RAB38: variants seen among roughly 807,000 people sequenced by gnomAD.
The protein encoded by RAB38 is ras-related protein Rab-38.
Under a neutral mutation model 18.4 loss-of-function variants are expected in RAB38, and 15 were observed. The observed-to-expected ratio is 0.82, with a 90% CI of 0.55 to 1.26. The LOEUF is 1.26. Among genes scored for constraint, RAB38 ranks in the 50% most tolerant of loss-of-function variants. The pLI is 0.00. For missense variants in RAB38, 294 were observed against 267.4 expected (o/e 1.10, Z -0.69); for synonymous variants, 101 against 104.4 (o/e 0.97, Z 0.20).
intron 2 of RAB38, among the ~76,000 whole-genome samples, chr11:88,140,697 G>T (rs2134811818): frequency 6.6e-6 from 1 of 152,276 alleles, no homozygotes; most frequent in African/African-American, 2.4e-5. Flanking sequence ...TGTGATGGGA[G>T]ACTTGATGCA....
At chr11:87,956,422 G>A in the RAB38 span, among the ~76,000 whole-genome samples, 687 of 152,134 alleles carry the variant, frequency 4.5e-3, 4 homozygotes, top group Non-Finnish European at 6.6e-3. Context: ...TTGGGTCCTC[G>A]CCTCTTCACT....
At chr11:87,824,971 CTT>C in the RAB38 span, among the ~76,000 whole-genome samples, 1 of 151,552 alleles carries the variant, frequency 6.6e-6, no homozygotes, top group Non-Finnish European at 1.5e-5. Flanking sequence ...ATGAAGAACA[CTT>C]TTGAAAGAGA....
the RAB38 span, among the ~76,000 whole-genome samples, chr11:87,870,391 T>A: frequency 9.2e-5 from 14 of 151,712 alleles, no homozygotes; most frequent in East Asian, 2.7e-3. Context: ...ATAGGTCTTA[T>A]GTTTGTGATG....
the RAB38 span, among the ~76,000 whole-genome samples, chr11:88,056,137 T>C: frequency 6.6e-6 from 1 of 152,170 alleles, no homozygotes; most frequent in Admixed American, 6.5e-5. Context: ...ATCTGATTAG[T>C]ATGGTAATGA....
the RAB38 span, among the ~76,000 whole-genome samples, chr11:87,971,953 A>G: frequency 5.9e-5 from 9 of 151,516 alleles, no homozygotes; most frequent in Admixed American, 5.9e-4. Flanking sequence ...TTTAAAAAGG[A>G]GGCAACAATC....
the RAB38 span, among the ~76,000 whole-genome samples, chr11:87,958,742 A>C: frequency 6.6e-6 from 1 of 152,200 alleles, no homozygotes; most frequent in East Asian, 1.9e-4. Flanking sequence ...TCCAATAATA[A>C]GCACTATTCT....
chr11:87,977,396 T>G, the RAB38 span, among the ~76,000 whole-genome samples: 7 of 43,514 alleles, frequency 1.6e-4, 1 homozygote, highest in South Asian at 4.7e-3. Context: ...TAATTATATA[T>G]ATAATTATAT....
At chr11:88,100,995 A>C in the RAB38 span, among the ~76,000 whole-genome samples, 1 of 151,984 alleles carries the variant, frequency 6.6e-6, no homozygotes, top group East Asian at 1.9e-4. Flanking sequence ...CTAAAATATA[A>C]GTTTAATCTG....
the RAB38 span, among the ~76,000 whole-genome samples, chr11:87,976,794 A>G: frequency 6.9e-4 from 56 of 81,310 alleles, 2 homozygotes; most frequent in East Asian, 0.019. Flanking sequence ...TATATAATAT[A>G]TACTTATAAT....
At chr11:87,891,335 C>T in the RAB38 span, among the ~76,000 whole-genome samples, 32 of 151,914 alleles carry the variant, frequency 2.1e-4, no homozygotes, top group African/African-American at 7.5e-4. Context: ...GATATAATCC[C>T]TGACCCTGAA....
the RAB38 span, among the ~76,000 whole-genome samples, chr11:87,949,128 G>A: frequency 4.6e-5 from 7 of 152,188 alleles, no homozygotes; most frequent in Non-Finnish European, 1.0e-4. Flanking sequence ...GAGGGTGTAT[G>A]TGTCGAAGAA....
chr11:87,924,324 C>T, the RAB38 span, among the ~76,000 whole-genome samples: 6 of 152,102 alleles, frequency 3.9e-5, no homozygotes, highest in East Asian at 1.2e-3. Context: ...AAACACTTTA[C>T]AAGCACAGGA....
At chr11:87,879,866 G>A in the RAB38 span, 1 of 151,620 alleles carries the variant, frequency 6.6e-6, no homozygotes, top group Non-Finnish European at 1.5e-5. Flanking sequence ...TATCTATAAA[G>A]TACCTAATGC....
At chr11:88,024,059 C>T in the RAB38 span, among the ~76,000 whole-genome samples, 1 of 152,058 alleles carries the variant, frequency 6.6e-6, no homozygotes, top group African/African-American at 2.4e-5. Flanking sequence ...TCACATCAAC[C>T]TAAAAAGCTT....
chr11:88,016,238 G>A, the RAB38 span, among the ~76,000 whole-genome samples: 2 of 152,044 alleles, frequency 1.3e-5, no homozygotes, highest in Non-Finnish European at 1.5e-5. Flanking sequence ...AAAGACAAGC[G>A]CTCCAGGCTG....
chr11:87,950,925 G>T, the RAB38 span, among the ~76,000 whole-genome samples: 18 of 152,262 alleles, frequency 1.2e-4, 1 homozygote, highest in South Asian at 3.7e-3. Flanking sequence ...GAATCTGAAT[G>T]TTGGCCTGCC....
chr11:87,863,436 A>C, the RAB38 span, among the ~76,000 whole-genome samples: 2 of 151,768 alleles, frequency 1.3e-5, no homozygotes, highest in African/African-American at 4.8e-5. Flanking sequence ...TGTGTCTCAC[A>C]CTTCACCAGC....
At chr11:87,843,177 T>A in the RAB38 span, among the ~76,000 whole-genome samples, 1 of 152,252 alleles carries the variant, frequency 6.6e-6, no homozygotes, top group Non-Finnish European at 1.5e-5. Context: ...CATCCGCTTA[T>A]GTCTACCTCT....
At chr11:87,807,208 C>A in the RAB38 span, among the ~76,000 whole-genome samples, 1 of 152,194 alleles carries the variant, frequency 6.6e-6, no homozygotes, top group African/African-American at 2.4e-5. Context: ...TTCCATGAAA[C>A]CAGTCTCTGG....
Sources: allele counts gnomAD v4.1 joint callset (sites outside exome capture counted in the v4.1 genomes callset), GRCh38; gene constraint gnomAD v4.1.1; transcripts MANE v1.5; gene names NCBI Gene and HGNC (gene_info 2026-07-23, HGNC 2026-07-21).